Variants in NR4A3 observed in about 807,000 individuals in gnomAD.
NR4A3 encodes chondrosarcoma, extraskeletal myxoid, fused to EWS.
Under a neutral mutation model 55.6 loss-of-function variants are expected in NR4A3, and 13 were observed. The ratio of observed to expected loss-of-function variants is 0.23; its 90% CI spans 0.15 to 0.37. The LOEUF (loss-of-function observed/expected upper bound fraction) is 0.37, where lower values mean the gene tolerates loss of function less well. NR4A3 is among the 10% of genes least tolerant of loss of function. The pLI is 1.00. For missense variants in NR4A3, 646 were observed against 822.8 expected (o/e 0.79, Z 2.63); for synonymous variants, 342 against 357.9 (o/e 0.96, Z 0.50).
intron 5 of NR4A3, among the ~76,000 whole-genome samples, chr9:99,843,879 G>A (rs1050975231): frequency 1.6e-4 from 25 of 151,864 alleles, no homozygotes; most frequent in African/African-American, 4.8e-4. Context: ...TCAGCCTCCC[G>A]AGTAGCTGGG....
chr9:99,829,187 C>T (rs1827391544), intron 3 of NR4A3, among the ~76,000 whole-genome samples, 194 bp downstream of exon 3: 1 of 152,206 alleles, frequency 6.6e-6, no homozygotes, highest in Non-Finnish European at 1.5e-5. Flanking sequence ...GTGCAGCAGG[C>T]CACCCCAGAC....
rs1345736445 is a variant in NR4A3 at position 99,844,642 on chromosome 9, A to C, written c.1255-7A>C. On this transcript the variant is annotated splice_region_variant and splice_polypyrimidine_tract_variant and intron_variant, in intron 5 of 7. Coordinates refer to ENST00000395097, the MANE Select transcript of NR4A3 (RefSeq NM_006981.4). ...GATAATGCTGCTCTCTCTGGTTTGCATTCTAGTACTGTCCCACTGACCAGG... is the reference window on the plus strand; with the variant it reads ...GATAATGCTGCTCTCTCTGGTTTGCCTTCTAGTACTGTCCCACTGACCAGG... 1.5e-5 allele frequency: 24 copies of C among 1,613,664 alleles called. No individual in the cohort carries two copies. The highest frequency in any genetic ancestry group is 2.0e-5 in the Non-Finnish European group (24 of 1,179,742).
At chr9:99,829,131 A>G in intron 3 of NR4A3, 138 bp downstream of exon 3, 2 of 1,049,968 alleles carry the variant, frequency 1.9e-6, no homozygotes, top group South Asian at 4.1e-5. Context: ...AGCCCTTCCT[A>G]GCACCTTCAC....
At chr9:99,862,044 T>C (rs1327554976) in intron 7 of NR4A3, among the ~76,000 whole-genome samples, 1 of 151,574 alleles carries the variant, frequency 6.6e-6, no homozygotes, top group Non-Finnish European at 1.5e-5. Context: ...CAGTGAACCA[T>C]GACTGCACCA....
chr9:99,860,202 A>T (rs1024266259), intron 7 of NR4A3, among the ~76,000 whole-genome samples: 1 of 144,374 alleles, frequency 6.9e-6, no homozygotes, highest in Non-Finnish European at 1.5e-5. Flanking sequence ...CTCTTTATTT[A>T]ATGTTGTAAA....
At chr9:99,859,484 G>C (rs1827976126) in intron 7 of NR4A3, among the ~76,000 whole-genome samples, 1 of 152,204 alleles carries the variant, frequency 6.6e-6, no homozygotes, top group Non-Finnish European at 1.5e-5. Context: ...AAGTAAAGAA[G>C]CTACAAATCC....
intron 5 of NR4A3, among the ~76,000 whole-genome samples, chr9:99,838,699 C>T (rs911616148): frequency 9.2e-5 from 14 of 152,164 alleles, no homozygotes; most frequent in Admixed American, 8.5e-4. Flanking sequence ...ACTGCTCCTA[C>T]GAGAAAGAGG....
intron 5 of NR4A3, among the ~76,000 whole-genome samples, chr9:99,841,515 A>G (rs1468507975): frequency 6.6e-6 from 1 of 152,244 alleles, no homozygotes; most frequent in Admixed American, 6.5e-5. Context: ...GATGGTGATT[A>G]TTTCAGACAT....
In NR4A3 at chr9:99,828,549, C is replaced by G. The variant is rs758120652; in HGVS notation, c.507C>G (p.Pro169=). The G allele has an allele frequency of 1.0e-5, 16 of 1,524,000 alleles. No individual in the cohort carries two copies. The South Asian group carries it at 1.4e-4, about 13-fold the overall frequency. 94.4% of individuals were successfully genotyped at this position (1,524,000 alleles called of 1,614,324 possible). A position where few individuals can be genotyped will look rare whatever the true frequency, so the allele number is the denominator to read the frequency against. Residue 169 remains proline (P), a synonymous_variant, in exon 3 of 8, where the codon CCC becomes CCG. Transcript: ENST00000395097. The surrounding 1 kb of genome is among the most constrained non-coding windows in gnomAD (Gnocchi z 7.7). ...ALPSAPGCIA[P]GPLLDPPMKA... ...CCTCGGCGCCCGGCTGCATCGCACC[C>G]GGCCCGCTGCTGGACCCGCCGATGA...
At chr9:99,858,428 C>A (rs987519011) in intron 7 of NR4A3, among the ~76,000 whole-genome samples, 1 of 152,326 alleles carries the variant, frequency 6.6e-6, no homozygotes, top group Middle Eastern at 3.4e-3. Flanking sequence ...AGAAATCCAA[C>A]GGTGTCTTTA....
intron 5 of NR4A3, among the ~76,000 whole-genome samples, chr9:99,840,959 G>A (rs867211948): frequency 2.0e-5 from 3 of 152,232 alleles, no homozygotes; most frequent in Middle Eastern, 3.4e-3. Context: ...CTGGTGGGGC[G>A]CGGTGGCTGA....
At chr9:99,826,945 C>A in intron 2 of NR4A3, 2 of 649,920 alleles carry the variant, frequency 3.1e-6, no homozygotes, top group Non-Finnish European at 5.5e-6. Flanking sequence ...CCGTTTTTTA[C>A]CATTTATATT....
chr9:99,844,772 G>C lies in NR4A3; in HGVS notation c.1378G>C (p.Asp460His). ...GGCAGAAAAGATTCCGGGATTTACT[G>C]ATCTCCCCAAAGAAGATCAGACATT... is the stretch of plus-strand genomic sequence containing the variant. Reference protein sequence around the residue: ...SWAEKIPGFTDLPKEDQTLLI... With the variant: ...SWAEKIPGFTHLPKEDQTLLI... Residue 460 changes from aspartate (D) to histidine (H), a missense_variant, in exon 6 of 8, where the codon GAT becomes CAT. Physicochemically the swap from Asp to His is moderately conservative, Grantham distance 81. Transcript: ENST00000395097. 6.2e-7 allele frequency: 1 copy of C among 1,614,158 alleles called. No homozygotes were observed. The highest frequency in any genetic ancestry group is 1.1e-5 in the South Asian group (1 of 91,080).
intron 7 of NR4A3, among the ~76,000 whole-genome samples, chr9:99,858,584 G>A (rs1339280053): frequency 6.6e-6 from 1 of 152,236 alleles, no homozygotes; most frequent in African/African-American, 2.4e-5. Context: ...ACAGAAAATA[G>A]GAGAGAGTTA....
chr9:99,858,018 A>G (rs1466846702), intron 7 of NR4A3, among the ~76,000 whole-genome samples: 2 of 152,142 alleles, frequency 1.3e-5, no homozygotes, highest in African/African-American at 2.4e-5. Context: ...GGTGTCTCCT[A>G]TGTACTAGGC....
At chr9:99,844,289 C>T (rs1327266329) in intron 5 of NR4A3, among the ~76,000 whole-genome samples, 2 of 152,138 alleles carry the variant, frequency 1.3e-5, no homozygotes, top group Admixed American at 1.3e-4. Context: ...AAATTCTTGA[C>T]CCCTGGGCTC....
chr9:99,833,639 A>T (rs781079459), intron 5 of NR4A3, 185 bp downstream of exon 5: 1 of 1,595,160 alleles, frequency 6.3e-7, no homozygotes, highest in Non-Finnish European at 8.5e-7. Flanking sequence ...TTTTTGCCTT[A>T]TTGAATCTCT....
At position 99,844,747 on chromosome 9, in the gene NR4A3, G is replaced by C; in HGVS notation, c.1353G>C (p.Trp451Cys). ...CCTCCATTGATGTATCCAGAAGCTG[G>C]GCAGAAAAGATTCCGGGATTTACTG... ...LTASIDVSRS[W>C]AEKIPGFTDL... The change falls in exon 6 of 8, where the codon TGG becomes TGC. Residue 451 changes from tryptophan (W) to cysteine (C), a missense_variant. This residue lies in a region of NR4A3 where 163 missense variants were observed against 233.0 expected (regional missense o/e 0.70). Transcript: ENST00000395097. The C allele has an allele frequency of 6.2e-7, 1 of 1,614,098 alleles. No homozygotes were observed. Among genetic ancestry groups the C allele is most frequent in the Non-Finnish European group, 8.5e-7 (1 of 1,179,980 alleles).
intron 7 of NR4A3, among the ~76,000 whole-genome samples, chr9:99,850,213 T>C (rs1282249088): frequency 1.3e-5 from 2 of 152,156 alleles, no homozygotes; most frequent in Non-Finnish European, 2.9e-5. Flanking sequence ...CCAAAGGAGC[T>C]TGATGGTCAG....
Sources: gnomAD v4.1 joint callset for allele counts (sites outside exome capture counted in the v4.1 genomes callset) on GRCh38, gnomAD v4.1.1 for gene constraint, gnomAD v4.1.1 regional missense constraint, Gnocchi (gnomAD v3.1) non-coding constraint, MANE v1.5 for transcripts, NCBI Gene and HGNC (gene_info 2026-07-23, HGNC 2026-07-21) for gene names.